Variants in TWSG1 observed in about 807,000 individuals in gnomAD.
TWSG1 encodes the protein twisted gastrulation protein homolog 1.
Under a neutral mutation model 23.0 loss-of-function variants are expected in TWSG1, and 15 were observed. The ratio of observed to expected loss-of-function variants is 0.65; its 90% CI spans 0.44 to 1.00. TWSG1 has a LOEUF of 1.00. Ranked by LOEUF, TWSG1 falls within the 50% of genes least tolerant of loss-of-function variation. The pLI is 0.00. For missense variants in TWSG1, 242 were observed against 278.7 expected (o/e 0.87, Z 0.94); for synonymous variants, 86 against 92.8 (o/e 0.93, Z 0.42).
intron 2 of TWSG1, among the ~76,000 whole-genome samples, chr18:9,337,821 G>C (rs2040429627): frequency 6.6e-6 from 1 of 152,146 alleles, no homozygotes; most frequent in Non-Finnish European, 1.5e-5. Flanking sequence ...CAGTTTCTGA[G>C]GGCCTGGAAT....
chr18:9,369,706 AT>A (rs1337782007), intron 3 of TWSG1, among the ~76,000 whole-genome samples: 2 of 151,410 alleles, frequency 1.3e-5, no homozygotes, highest in Non-Finnish European at 2.9e-5. Context: ...TTACTTTTTA[AT>A]TTTTGTAGCA....
At position 9,358,240 on chromosome 18, in the gene TWSG1, T is replaced by TG. The variant is rs201128515; in HGVS notation, c.124-1725dup. ...GGTGCTTATCTTTGGAAAGTAGGAA[T>TG]GGGGGGGCCACAGGATAATTTTTTA... is the stretch of plus-strand genomic sequence containing the variant. On this transcript the variant is annotated intron_variant, in intron 2 of 4. Transcript: ENST00000262120. 1.1e-3 allele frequency among the ~76,000 whole-genome samples: 166 copies of TG among 151,942 alleles called. 4 individuals are homozygous for TG. In the East Asian group the frequency reaches 0.029, roughly 27 times the overall value.
intron 1 of TWSG1, among the ~76,000 whole-genome samples, chr18:9,336,347 G>T (rs1407349945): frequency 6.6e-6 from 1 of 151,472 alleles, no homozygotes; most frequent in African/African-American, 2.4e-5. Flanking sequence ...AGCCGAGATT[G>T]CGCCACTGCA....
chr18:9,335,644 C>A (rs1403251881), intron 1 of TWSG1, among the ~76,000 whole-genome samples: 1 of 152,218 alleles, frequency 6.6e-6, no homozygotes, highest in Non-Finnish European at 1.5e-5. Flanking sequence ...CTCCAGAAAT[C>A]ATCCTACTTG....
chr18:9,357,844 G>T (rs969920079), intron 2 of TWSG1, among the ~76,000 whole-genome samples: 15 of 152,022 alleles, frequency 9.9e-5, no homozygotes, highest in Non-Finnish European at 2.1e-4. Context: ...CAGGGAAGGG[G>T]GGGGATGGGG....
chr18:9,340,669 G>C (rs1312664037), intron 2 of TWSG1, among the ~76,000 whole-genome samples: 1 of 152,158 alleles, frequency 6.6e-6, no homozygotes. Flanking sequence ...GTTCATCTCT[G>C]TTCCACGTGG....
intron 3 of TWSG1, among the ~76,000 whole-genome samples, chr18:9,364,961 T>G (rs953751732): frequency 6.6e-6 from 1 of 152,202 alleles, no homozygotes; most frequent in Non-Finnish European, 1.5e-5. Context: ...GATGAATGAT[T>G]TAATAATAGA....
chr18:9,396,419 C>T lies in TWSG1; in HGVS notation c.363C>T (p.Phe121=), dbSNP rs778636130. ...DTQLNWNIVS[F]PVAEELSHHE... ...AGTTGAATTGGAACATCGTTTCTTT[C>T]CCTGTTGCAGAAGAACTTTCACATC... The change falls in exon 4 of 5, where the codon TTC becomes TTT. Residue 121 remains phenylalanine (F), a synonymous_variant. Transcript: ENST00000262120. 4.3e-6 allele frequency: 7 copies of T among 1,614,152 alleles called. No individual in the cohort carries two copies. In the South Asian group the frequency reaches 6.6e-5, roughly 15 times the overall value.
At chr18:9,351,436 T>C (rs928685303) in intron 2 of TWSG1, among the ~76,000 whole-genome samples, 5 of 152,144 alleles carry the variant, frequency 3.3e-5, no homozygotes, top group African/African-American at 9.6e-5. Context: ...TTATTTTATG[T>C]TTCTTTGAAA....
intron 3 of TWSG1, among the ~76,000 whole-genome samples, chr18:9,370,761 C>T (rs1461933624): frequency 1.3e-5 from 2 of 152,142 alleles, no homozygotes; most frequent in African/African-American, 2.4e-5. Context: ...TAGCTTCTTC[C>T]TTAGAGTGAA....
At chr18:9,367,949 T>C (rs2040587540) in intron 3 of TWSG1, among the ~76,000 whole-genome samples, 1 of 152,334 alleles carries the variant, frequency 6.6e-6, no homozygotes, top group South Asian at 2.1e-4. Context: ...GTCTTGACTA[T>C]TGTGAATAAT....
At chr18:9,367,648 A>G (rs2040586223) in intron 3 of TWSG1, among the ~76,000 whole-genome samples, 1 of 152,088 alleles carries the variant, frequency 6.6e-6, no homozygotes, top group African/African-American at 2.4e-5. Flanking sequence ...GCAGTATTGG[A>G]TTCTTACAGG....
chr18:9,335,205 G>A (rs911123522), intron 1 of TWSG1, among the ~76,000 whole-genome samples: 2 of 152,174 alleles, frequency 1.3e-5, no homozygotes, highest in East Asian at 3.9e-4. Flanking sequence ...GGTGGGGGTG[G>A]TTCCGGGTGC....
chr18:9,335,703 G>C (rs2040419804), intron 1 of TWSG1, among the ~76,000 whole-genome samples: 1 of 152,092 alleles, frequency 6.6e-6, no homozygotes, highest in African/African-American at 2.4e-5. Flanking sequence ...CGGTCTTTAG[G>C]GAATGCTTTG....
intron 3 of TWSG1, among the ~76,000 whole-genome samples, chr18:9,373,474 C>T (rs567318434): frequency 6.6e-6 from 1 of 152,284 alleles, no homozygotes; most frequent in African/African-American, 2.4e-5. Context: ...GCAGAGGTTG[C>T]AGTGAGCTGA....
Position 9,401,636 on chromosome 18 carries a change from T to G in TWSG1, c.*2109T>G, listed in dbSNP as rs958643194. On this transcript the variant is annotated 3_prime_UTR_variant, in exon 5 of 5. Transcript: ENST00000262120. Reference sequence around the variant, plus strand: ...GCCTTCAAATTTGGCTTATTTTTTCTGATTTATGAGGGTTTGAAAGAAAGA... The same window carrying G: ...GCCTTCAAATTTGGCTTATTTTTTCGGATTTATGAGGGTTTGAAAGAAAGA... The G allele has an allele frequency of 2.0e-5, 3 of 152,176 alleles. No homozygotes were observed. Among genetic ancestry groups the G allele is most frequent in the Admixed American group, 6.5e-5 (1 of 15,274 alleles). The allele number at this position is 152,176 out of a possible 1,614,324, so 9.4% of individuals were successfully genotyped here.
intron 3 of TWSG1, among the ~76,000 whole-genome samples, chr18:9,394,028 A>G (rs996329998): frequency 1.2e-4 from 19 of 152,204 alleles, no homozygotes; most frequent in African/African-American, 4.1e-4. Context: ...TAGAACTACC[A>G]TATCCAGCAA....
chr18:9,365,944 T>C (rs1426694967), intron 3 of TWSG1, among the ~76,000 whole-genome samples: 3 of 152,180 alleles, frequency 2.0e-5, no homozygotes, highest in African/African-American at 7.2e-5. Context: ...AGCTTGCGGC[T>C]GTAGTGAGCT....
chr18:9,361,234 C>T (rs2040551004), intron 3 of TWSG1, among the ~76,000 whole-genome samples: 1 of 152,140 alleles, frequency 6.6e-6, no homozygotes, highest in Admixed American at 6.5e-5. Context: ...TTTCCAAGAG[C>T]CCTTCTCTGA....
Sources: gnomAD v4.1 joint callset for allele counts (sites outside exome capture counted in the v4.1 genomes callset) on GRCh38, gnomAD v4.1.1 for gene constraint, MANE v1.5 for transcripts, NCBI Gene and HGNC (gene_info 2026-07-23, HGNC 2026-07-21) for gene names.